Variants in LRRTM4 observed in about 807,000 individuals in gnomAD.
LRRTM4 encodes leucine-rich repeat transmembrane neuronal protein 4.
A neutral mutation model predicts 47.6 loss-of-function variants in LRRTM4; 25 were observed. The observed-to-expected ratio is 0.53, with a 90% CI of 0.38 to 0.73. The LOEUF (loss-of-function observed/expected upper bound fraction) is 0.73, where lower values mean the gene tolerates loss of function less well. Ranked by LOEUF, LRRTM4 falls within the 30% of genes least tolerant of loss-of-function variation. The pLI is 0.00. For synonymous variants in LRRTM4, 311 were observed against 269.5 expected (o/e 1.15, Z -1.51); for missense variants, 638 against 713.4 (o/e 0.89, Z 1.20).
At chr2:77,438,635 T>C (rs1675708832) in intron 3 of LRRTM4, among the ~76,000 whole-genome samples, 1 of 152,124 alleles carries the variant, frequency 6.6e-6, no homozygotes, top group African/African-American at 2.4e-5. Flanking sequence ...CTCGATCTCC[T>C]GACCTCGTGA....
chr2:76,985,603 G>C (rs1390018877), intron 3 of LRRTM4, among the ~76,000 whole-genome samples: 1 of 151,960 alleles, frequency 6.6e-6, no homozygotes, highest in Non-Finnish European at 1.5e-5. Flanking sequence ...TGAAAATTCT[G>C]TTATGTCAAA....
chr2:76,778,306 T>A (rs1232345335), intron 3 of LRRTM4, among the ~76,000 whole-genome samples: 10 of 142,784 alleles, frequency 7.0e-5, no homozygotes, highest in Admixed American at 1.4e-4. Flanking sequence ...CCTCTTTTTC[T>A]ATTGATTGGA....
intron 3 of LRRTM4, among the ~76,000 whole-genome samples, chr2:77,055,837 A>ACAC (rs1163786393): frequency 2.0e-5 from 3 of 151,928 alleles, no homozygotes; most frequent in African/African-American, 7.3e-5. Flanking sequence ...TGGCACATAT[A>ACAC]CACCATGGAA....
At chr2:77,136,800 A>G (rs1671957724) in intron 3 of LRRTM4, among the ~76,000 whole-genome samples, 1 of 151,966 alleles carries the variant, frequency 6.6e-6, no homozygotes, top group Non-Finnish European at 1.5e-5. Context: ...GGGAGCTGAA[A>G]ACAATGGCAC....
intron 3 of LRRTM4, among the ~76,000 whole-genome samples, chr2:77,347,282 C>A (rs1319095386): frequency 2.0e-5 from 3 of 152,148 alleles, no homozygotes; most frequent in Non-Finnish European, 4.4e-5. Context: ...TATCCCTTGT[C>A]ATTGTGTCTC....
intron 3 of LRRTM4, among the ~76,000 whole-genome samples, chr2:76,771,031 T>C (rs1471226192): frequency 6.6e-6 from 1 of 152,128 alleles, no homozygotes; most frequent in Non-Finnish European, 1.5e-5. Context: ...GCCCTTACAG[T>C]TGTAGATGTC....
chr2:77,270,495 T>A (rs962694627), intron 3 of LRRTM4, among the ~76,000 whole-genome samples: 1 of 152,232 alleles, frequency 6.6e-6, no homozygotes, highest in African/African-American at 2.4e-5. Flanking sequence ...AAAGGCGCTA[T>A]GGAATTAACA....
intron 3 of LRRTM4, among the ~76,000 whole-genome samples, chr2:77,308,277 G>A (rs1677347559): frequency 6.8e-6 from 1 of 148,118 alleles, no homozygotes; most frequent in Non-Finnish European, 1.5e-5. Flanking sequence ...ATACCCAAAT[G>A]GTAAAGACTA....
chr2:76,817,170 C>G (rs769756386), intron 3 of LRRTM4, among the ~76,000 whole-genome samples: 13 of 152,030 alleles, frequency 8.6e-5, no homozygotes, highest in Non-Finnish European at 1.8e-4. Flanking sequence ...ATGGAGAGAA[C>G]AGCCTGAAAA....
intron 3 of LRRTM4, among the ~76,000 whole-genome samples, chr2:77,330,762 G>A (rs1376642121): frequency 6.6e-6 from 1 of 152,056 alleles, no homozygotes; most frequent in African/African-American, 2.4e-5. Flanking sequence ...ACAAAAGTAT[G>A]TTCTAAACAT....
chr2:77,459,862 C>CAAT (rs1676714259), intron 3 of LRRTM4, among the ~76,000 whole-genome samples: 1 of 151,942 alleles, frequency 6.6e-6, no homozygotes. Context: ...ATCATTTACG[C>CAAT]TGATGAAATT....
At chr2:76,798,370 A>G (rs1391740165) in intron 3 of LRRTM4, among the ~76,000 whole-genome samples, 2 of 152,032 alleles carry the variant, frequency 1.3e-5, no homozygotes, top group Admixed American at 1.3e-4. Context: ...TAACGAAATG[A>G]AGGCACAAAT....
intron 3 of LRRTM4, among the ~76,000 whole-genome samples, chr2:77,372,419 C>T (rs1319180182): frequency 2.0e-5 from 3 of 151,654 alleles, no homozygotes; most frequent in Admixed American, 6.6e-5. Context: ...GTGGGAAGCA[C>T]ACTACCAGAC....
chr2:77,287,072 G>C (rs754494489), intron 3 of LRRTM4, among the ~76,000 whole-genome samples: 1 of 151,968 alleles, frequency 6.6e-6, no homozygotes, highest in Non-Finnish European at 1.5e-5. Context: ...TGATACGTTC[G>C]AGGCCACAGT....
chr2:77,374,414 T>C lies in LRRTM4; in HGVS notation c.1551+143904A>G, dbSNP rs927227808. Among the ~76,000 whole-genome samples, 5 of 151,840 alleles carry C rather than the reference T, an allele frequency of 3.3e-5. No homozygotes were observed. In the Admixed American group the frequency reaches 3.3e-4, roughly 10 times the overall value. ...CTAACACACAGTACCCATTTCCCTG[T>C]GGTTTTCACTGTAGACAGATATTGT... On this transcript the variant is annotated intron_variant, in intron 3 of 3. Coordinates refer to ENST00000409884, the MANE Select transcript of LRRTM4 (RefSeq NM_001134745.3).
intron 3 of LRRTM4, among the ~76,000 whole-genome samples, chr2:77,363,256 T>C (rs1260609952): frequency 6.6e-6 from 1 of 152,200 alleles, no homozygotes; most frequent in Non-Finnish European, 1.5e-5. Flanking sequence ...TTATAATATG[T>C]AGTTGTCATT....
At chr2:77,518,289 A>G in intron 3 of LRRTM4, 29 bp downstream of exon 3, 1 of 1,549,858 alleles carries the variant, frequency 6.5e-7, no homozygotes, top group Non-Finnish European at 8.7e-7. Flanking sequence ...CCGCAGTAGA[A>G]ATGCTTTTAG....
intron 3 of LRRTM4, among the ~76,000 whole-genome samples, chr2:76,873,429 A>G (rs1181714381): frequency 6.7e-6 from 1 of 149,508 alleles, no homozygotes; most frequent in East Asian, 2.0e-4. Context: ...GTATATGTAT[A>G]CATTATATAG....
chr2:76,832,166 T>A (rs1178644143), intron 3 of LRRTM4, among the ~76,000 whole-genome samples: 1 of 152,002 alleles, frequency 6.6e-6, no homozygotes, highest in African/African-American at 2.4e-5. Context: ...GTCTGTATTT[T>A]ATTTTATCTT....
Sources: gnomAD v4.1 joint callset for allele counts (sites outside exome capture counted in the v4.1 genomes callset) on GRCh38, gnomAD v4.1.1 for gene constraint, MANE v1.5 for transcripts, NCBI Gene and HGNC (gene_info 2026-07-23, HGNC 2026-07-21) for gene names.